The following NAALADL2 variants were observed in gnomAD, a reference collection of about 807,000 sequenced individuals.
NAALADL2 encodes N-acetylated alpha-linked acidic dipeptidase like 2.
NAALADL2 carries 76 observed loss-of-function variants against 87.2 expected under a neutral mutation model. That is an observed-to-expected ratio of 0.87 (90% confidence interval 0.72 to 1.05). NAALADL2 has a LOEUF of 1.05. NAALADL2 is among the 50% of genes least tolerant of loss of function. The probability of loss-of-function intolerance (pLI) is 0.00; values close to 1 mark genes in which losing one functional copy is unlikely to be tolerated. For missense variants in NAALADL2, 1,089 were observed against 945.8 expected (o/e 1.15, Z -1.99); for synonymous variants, 354 against 331.0 (o/e 1.07, Z -0.75).
chr3:175,042,904 C>T (rs1323676429), intron 1 of NAALADL2, among the ~76,000 whole-genome samples: 2 of 151,994 alleles, frequency 1.3e-5, no homozygotes, highest in Non-Finnish European at 2.9e-5. Flanking sequence ...AGTGAGTGCT[C>T]ACTCTATTAG....
intron 3 of NAALADL2, among the ~76,000 whole-genome samples, chr3:175,254,775 T>G (rs917287115): frequency 6.6e-6 from 1 of 152,172 alleles, no homozygotes; most frequent in Non-Finnish European, 1.5e-5. Context: ...GTTATTTATA[T>G]GGTAATGGTA....
intron 5 of NAALADL2, among the ~76,000 whole-genome samples, chr3:175,343,655 G>GTTTTTTTGTTTTTTTTTTTTTTT (rs1762799203): frequency 1.5e-5 from 1 of 64,720 alleles, no homozygotes; most frequent in Non-Finnish European, 3.3e-5. Context: ...TCTTGATCAT[G>GTTTTTTTGTTTTTTTTTTTTTTT]TTTTTTTTTT....
At chr3:174,622,900 A>G (rs375232154) in intron 2 of NAALADL2, among the ~76,000 whole-genome samples, 132 of 152,226 alleles carry the variant, frequency 8.7e-4, no homozygotes, top group African/African-American at 2.8e-3. Context: ...AAAATTAGCC[A>G]GGCGTGGTGG....
At chr3:175,223,195 C>T (rs190803128) in intron 2 of NAALADL2, among the ~76,000 whole-genome samples, 31 of 151,614 alleles carry the variant, frequency 2.0e-4, no homozygotes, top group Admixed American at 3.3e-4. Context: ...ACCATAGTCA[C>T]GAATTTGTAC....
At chr3:175,050,462 A>G (rs1755231323) in intron 1 of NAALADL2, among the ~76,000 whole-genome samples, 3 of 152,128 alleles carry the variant, frequency 2.0e-5, no homozygotes, top group Non-Finnish European at 4.4e-5. Context: ...GGGTTTTGCC[A>G]TGTTTAAAAA....
intron 1 of NAALADL2, among the ~76,000 whole-genome samples, chr3:174,935,983 A>C (rs956976037): frequency 6.6e-6 from 1 of 152,160 alleles, no homozygotes; most frequent in Non-Finnish European, 1.5e-5. Flanking sequence ...GACACTGATT[A>C]TTCATTTTGC....
intron 5 of NAALADL2, among the ~76,000 whole-genome samples, chr3:175,364,088 G>T (rs942185598): frequency 6.8e-6 from 1 of 147,550 alleles, no homozygotes; most frequent in African/African-American, 2.5e-5. Flanking sequence ...ACTTACCCCT[G>T]ACCAACCCAT....
At chr3:175,074,444 G>A (rs1232112757) in intron 1 of NAALADL2, among the ~76,000 whole-genome samples, 1 of 151,904 alleles carries the variant, frequency 6.6e-6, no homozygotes, top group Admixed American at 6.6e-5. Context: ...GGGTACTACT[G>A]TTTTGTATTT....
At chr3:175,666,565 G>C (rs185165958) in intron 11 of NAALADL2, among the ~76,000 whole-genome samples, 2 of 152,018 alleles carry the variant, frequency 1.3e-5, no homozygotes, top group African/African-American at 4.8e-5. Flanking sequence ...AAAGCTTCTG[G>C]CTGGAAATTT....
intron 13 of NAALADL2, among the ~76,000 whole-genome samples, chr3:175,797,442 C>G (rs1362313200): frequency 1.3e-5 from 2 of 152,096 alleles, no homozygotes; most frequent in Non-Finnish European, 2.9e-5. Context: ...ATTCTTCCTG[C>G]AGGGAAACTT....
chr3:174,496,047 C>A (rs529703955), intron 1 of NAALADL2, among the ~76,000 whole-genome samples: 1 of 152,210 alleles, frequency 6.6e-6, no homozygotes, highest in South Asian at 2.1e-4. Flanking sequence ...AACTTCAGCA[C>A]AGCTGAAGTT....
intron 2 of NAALADL2, among the ~76,000 whole-genome samples, chr3:175,103,644 A>T (rs966226214): frequency 2.6e-5 from 4 of 152,198 alleles, no homozygotes; most frequent in African/African-American, 7.2e-5. Context: ...AGGATTTTCC[A>T]TTCTTATCCT....
chr3:174,740,505 G>T (rs1159450399), intron 3 of NAALADL2, among the ~76,000 whole-genome samples: 1 of 151,864 alleles, frequency 6.6e-6, no homozygotes, highest in Non-Finnish European at 1.5e-5. Flanking sequence ...GAAAGAATGA[G>T]TATGAATTAA....
chr3:175,590,214 ATATATATATATATATATATATATAT>A (rs1721206536), intron 10 of NAALADL2, among the ~76,000 whole-genome samples: 4 of 146,984 alleles, frequency 2.7e-5, no homozygotes, highest in African/African-American at 1.0e-4. Context: ...TCCGTCTAAT[ATATATATATATATATATATATATAT>A]ATATATATAT....
chr3:175,335,238 G>A (rs2148817300), intron 5 of NAALADL2, among the ~76,000 whole-genome samples: 1 of 152,246 alleles, frequency 6.6e-6, no homozygotes, highest in South Asian at 2.1e-4. Context: ...AATTTAAAAG[G>A]CAGCCATACC....
chr3:174,691,680 C>A (rs1728596677), intron 2 of NAALADL2, among the ~76,000 whole-genome samples: 1 of 152,166 alleles, frequency 6.6e-6, no homozygotes, highest in Non-Finnish European at 1.5e-5. Flanking sequence ...TGTTGGATAG[C>A]ATTTTACCCA....
chr3:174,878,738 C>T (rs968841655), intron 1 of NAALADL2, among the ~76,000 whole-genome samples: 1 of 151,974 alleles, frequency 6.6e-6, no homozygotes, highest in Non-Finnish European at 1.5e-5. Context: ...GACCCCACCC[C>T]TTCTGCTGTT....
chr3:175,092,650 A>G (rs1260975603), intron 1 of NAALADL2, among the ~76,000 whole-genome samples: 6 of 151,936 alleles, frequency 3.9e-5, no homozygotes, highest in Admixed American at 2.6e-4. Flanking sequence ...ATTTTAAACT[A>G]TCATATGTTG....
intron 1 of NAALADL2, among the ~76,000 whole-genome samples, chr3:175,019,928 G>T (rs1021673123): frequency 4.5e-4 from 69 of 152,016 alleles, no homozygotes; most frequent in African/African-American, 1.7e-3. Flanking sequence ...TGGGAAGAAG[G>T]AGTTTGTTTT....
Sources: gnomAD v4.1 joint callset for allele counts (sites outside exome capture counted in the v4.1 genomes callset) on GRCh38, gnomAD v4.1.1 for gene constraint, MANE v1.5 for transcripts, NCBI Gene and HGNC (gene_info 2026-07-23, HGNC 2026-07-21) for gene names.